The following PPARGC1B variants were observed in gnomAD, a reference collection of about 807,000 sequenced individuals.
PPARGC1B encodes the protein peroxisome proliferator-activated receptor gamma coactivator 1-beta.
A neutral mutation model predicts 101.6 loss-of-function variants in PPARGC1B; 34 were observed. The ratio of observed to expected loss-of-function variants is 0.33; its 90% CI spans 0.25 to 0.45. The LOEUF is 0.45. Among genes scored for constraint, PPARGC1B ranks in the 20% least tolerant of loss-of-function variants. The pLI, the probability that PPARGC1B is intolerant of heterozygous loss-of-function variation, is 1.00. For missense variants in PPARGC1B, 1,234 were observed against 1,317.6 expected (o/e 0.94, Z 0.98); for synonymous variants, 548 against 539.3 (o/e 1.02, Z -0.22).
In PPARGC1B at chr5:149,845,827, G is replaced by T. The variant is rs773753803; in HGVS notation, c.2884G>T (p.Ala962Ser). The T allele has an allele frequency of 6.2e-7, 1 of 1,614,176 alleles. No homozygotes were observed. Among genetic ancestry groups the T allele is most frequent in the Non-Finnish European group, 8.5e-7 (1 of 1,180,012 alleles). Residue 962 changes from alanine (A) to serine (S), a missense_variant, in exon 11 of 12, where the codon GCT (alanine) becomes TCT (serine). By Grantham distance (99) the Ala-to-Ser change is moderately conservative. Transcript: ENST00000309241. ...EHAALSLTKG[A>S]ALRKRNEPSF... ...CGCGGCCCTCTCTTTGACAAAGGGC[G>T]CTGCCCTGAGGAAGCGCAACGAGCC...
intron 7 of PPARGC1B, 64 bp from the exon 8 acceptor site, chr5:149,836,199 G>A (rs1290406841): frequency 7.3e-7 from 1 of 1,376,700 alleles, no homozygotes; most frequent in African/African-American, 1.5e-5. Flanking sequence ...CCAAACTTAG[G>A]GTCTTAGTGT....
At chr5:149,834,120 A>G (rs1758944494) in intron 5 of PPARGC1B, among the ~76,000 whole-genome samples, 1 of 152,242 alleles carries the variant, frequency 6.6e-6, no homozygotes, top group African/African-American at 2.4e-5. Context: ...ATGTGACAGA[A>G]GCGTAAGGCT....
chr5:149,745,361 G>A (rs184328238), intron 1 of PPARGC1B, among the ~76,000 whole-genome samples: 223 of 152,276 alleles, frequency 1.5e-3, no homozygotes, highest in Non-Finnish European at 2.5e-3. Flanking sequence ...AATCAACTCT[G>A]TAGTTTAAAA....
Position 149,847,476 on chromosome 5 carries a change from C to A in PPARGC1B, c.2990C>A (p.Ala997Asp). The A allele has an allele frequency of 6.2e-7, 1 of 1,614,088 alleles. No homozygotes were observed. Among genetic ancestry groups the A allele is most frequent in the South Asian group, 1.1e-5 (1 of 91,084 alleles). The change falls in exon 12 of 12, where the codon GCC (alanine) becomes GAC (aspartate). Residue 997 changes from alanine to aspartate, a missense_variant. Ala to Asp is a moderately radical substitution (Grantham distance 126). Around this residue, in one of 3 missense-constraint regions of PPARGC1B, gnomAD observed 497 missense variants for 529.5 expected, o/e 0.94. Transcript: ENST00000309241. The stretch of plus-strand genomic sequence containing the variant: ...TGCCCAGATTCCAATTCAGAAGAGG[C>A]CCTTCCTGCGTCAGGGAAAAGCAAG... ...YTDYDSNSEE[A>D]LPASGKSKYE... is the part of the protein sequence containing the mutation.
At chr5:149,732,887 G>C (rs1372009544) in intron 1 of PPARGC1B, 1 of 460,554 alleles carries the variant, frequency 2.2e-6, no homozygotes, top group East Asian at 7.2e-5. Context: ...GAGTCAGAAG[G>C]CCTGAGTGGA....
chr5:149,784,401 A>G (rs889444148), intron 1 of PPARGC1B, among the ~76,000 whole-genome samples: 1 of 151,584 alleles, frequency 6.6e-6, no homozygotes, highest in Non-Finnish European at 1.5e-5. Context: ...GTGCAAATCT[A>G]TCATGTCACT....
intron 1 of PPARGC1B, among the ~76,000 whole-genome samples, chr5:149,739,394 A>C (rs928767594): frequency 1.3e-5 from 2 of 152,232 alleles, no homozygotes; most frequent in Non-Finnish European, 2.9e-5. Flanking sequence ...AGGTTAGGTC[A>C]GTTGCTCAGG....
At chr5:149,758,987 A>C (rs1389407930) in intron 1 of PPARGC1B, among the ~76,000 whole-genome samples, 1 of 152,216 alleles carries the variant, frequency 6.6e-6, no homozygotes, top group Non-Finnish European at 1.5e-5. Context: ...ATCTTTGTTG[A>C]AGAAAATTAA....
chr5:149,819,129 T>G (rs1758173523), intron 1 of PPARGC1B, among the ~76,000 whole-genome samples: 1 of 152,316 alleles, frequency 6.6e-6, no homozygotes, highest in East Asian at 1.9e-4. Context: ...TTATATTATT[T>G]CCAACATACC....
intron 2 of PPARGC1B, among the ~76,000 whole-genome samples, chr5:149,822,520 A>G (rs916392177): frequency 6.6e-6 from 1 of 152,072 alleles, no homozygotes; most frequent in African/African-American, 2.4e-5. Context: ...CCCATCGGAA[A>G]CTCTGAGTGT....
chr5:149,772,946 G>A (rs975606308), intron 1 of PPARGC1B, among the ~76,000 whole-genome samples: 2 of 152,196 alleles, frequency 1.3e-5, no homozygotes, highest in Admixed American at 6.5e-5. Context: ...TGGTTGTACT[G>A]TGAACATACC....
chr5:149,845,454 C>T (rs1394593411), intron 10 of PPARGC1B, among the ~76,000 whole-genome samples: 3 of 152,208 alleles, frequency 2.0e-5, no homozygotes, highest in Non-Finnish European at 4.4e-5. Flanking sequence ...TTACTGAACT[C>T]CGCAGAACCT....
At chr5:149,734,041 G>A (rs777708434) in intron 1 of PPARGC1B, among the ~76,000 whole-genome samples, 5 of 151,880 alleles carry the variant, frequency 3.3e-5, no homozygotes, top group African/African-American at 9.7e-5. Context: ...AAATGGAGTC[G>A]CCGGGCACGG....
In PPARGC1B at chr5:149,805,189, A is replaced by G. The variant is rs368147734; in HGVS notation, c.79-15244A>G. 7.2e-5 allele frequency among the ~76,000 whole-genome samples: 11 copies of G among 152,308 alleles called. No individual in the cohort carries two copies. In the East Asian group the frequency reaches 1.7e-3, roughly 24 times the overall value. On this transcript the variant is annotated intron_variant, in intron 1 of 11. Coordinates refer to ENST00000309241, the MANE Select transcript of PPARGC1B (RefSeq NM_133263.4). ...CAAAGTCACATAGATAACATGGGGAATGCCCACTTTGCTGGATTCTCACAG... is the reference window on the plus strand; with the variant it reads ...CAAAGTCACATAGATAACATGGGGAGTGCCCACTTTGCTGGATTCTCACAG...
At chr5:149,821,607 C>T (rs569728482) in intron 2 of PPARGC1B, among the ~76,000 whole-genome samples, 2 of 152,294 alleles carry the variant, frequency 1.3e-5, no homozygotes, top group Admixed American at 6.5e-5. Flanking sequence ...ATAATAACAA[C>T]CACAATAACA....
intron 1 of PPARGC1B, among the ~76,000 whole-genome samples, chr5:149,749,464 C>G (rs1254954963): frequency 6.6e-6 from 1 of 152,180 alleles, no homozygotes; most frequent in Admixed American, 6.5e-5. Flanking sequence ...AGCCCCTCCG[C>G]TACTGCTGTC....
At chr5:149,788,186 G>T (rs1279529191) in intron 1 of PPARGC1B, among the ~76,000 whole-genome samples, 1 of 151,968 alleles carries the variant, frequency 6.6e-6, no homozygotes, top group African/African-American at 2.4e-5. Flanking sequence ...TCTGACAAAG[G>T]GCTAATATCC....
At chr5:149,788,467 C>T (rs1226592762) in intron 1 of PPARGC1B, among the ~76,000 whole-genome samples, 5 of 152,192 alleles carry the variant, frequency 3.3e-5, no homozygotes, top group African/African-American at 7.2e-5. Context: ...AACACTTTTA[C>T]ACTGTTGGTG....
chr5:149,829,226 G>T (rs556567063), intron 3 of PPARGC1B, among the ~76,000 whole-genome samples: 2 of 152,310 alleles, frequency 1.3e-5, no homozygotes, highest in East Asian at 3.9e-4. Context: ...GTCAAAAAAA[G>T]AGGTTTTAAT....
Sources: allele counts gnomAD v4.1 joint callset (sites outside exome capture counted in the v4.1 genomes callset), GRCh38; gene constraint gnomAD v4.1.1; regional missense constraint gnomAD v4.1.1; transcripts MANE v1.5; gene names NCBI Gene and HGNC (gene_info 2026-07-23, HGNC 2026-07-21).